The following CSNK1G3 variants were observed in gnomAD, a reference collection of about 807,000 sequenced individuals.
The protein encoded by CSNK1G3 is casein kinase 1 gamma 3.
Under a neutral mutation model 64.3 loss-of-function variants are expected in CSNK1G3, and 23 were observed. The observed-to-expected ratio is 0.36, with a 90% confidence interval of 0.26 to 0.51. The LOEUF (loss-of-function observed/expected upper bound fraction) is 0.51, where lower values mean the gene tolerates loss of function less well. CSNK1G3 is among the 20% of genes least tolerant of loss of function. The probability of loss-of-function intolerance (pLI) is 0.96; values close to 1 mark genes in which losing one functional copy is unlikely to be tolerated. For missense variants in CSNK1G3, 357 were observed against 510.5 expected, an observed-to-expected ratio of 0.70 and a Z score of 2.90; for synonymous variants, 158 against 162.2, an observed-to-expected ratio of 0.97 and a Z score of 0.20.
intron 10 of CSNK1G3, among the ~76,000 whole-genome samples, chr5:123,595,700 G>T (rs1300586373): frequency 6.6e-6 from 1 of 151,890 alleles, no homozygotes; most frequent in East Asian, 1.9e-4. Flanking sequence ...TCAATAAATT[G>T]TATGGCTTTT....
At chr5:123,581,880 A>G (rs1456866476) in intron 6 of CSNK1G3, among the ~76,000 whole-genome samples, 3 of 151,582 alleles carry the variant, frequency 2.0e-5, no homozygotes, top group African/African-American at 7.3e-5. Context: ...TCTTTTTTTT[A>G]CTTATAAGAA....
chr5:123,543,281 T>C (rs1402338623), intron 1 of CSNK1G3, among the ~76,000 whole-genome samples: 1 of 152,132 alleles, frequency 6.6e-6, no homozygotes, highest in East Asian at 1.9e-4. Context: ...ATGTCGGGTA[T>C]GGTCCTTACT....
intron 4 of CSNK1G3, among the ~76,000 whole-genome samples, chr5:123,561,700 A>G (rs1300202688): frequency 6.6e-6 from 1 of 152,182 alleles, no homozygotes; most frequent in African/African-American, 2.4e-5. Flanking sequence ...GTATATGAAT[A>G]TCCCTACTGA....
intron 1 of CSNK1G3, among the ~76,000 whole-genome samples, chr5:123,540,612 C>G (rs912359206): frequency 6.6e-6 from 1 of 151,826 alleles, no homozygotes; most frequent in Non-Finnish European, 1.5e-5. Context: ...AGATGCTATA[C>G]AGCTGTCGAT....
At chr5:123,563,361 T>A (rs138892812) in intron 4 of CSNK1G3, among the ~76,000 whole-genome samples, 1 of 152,054 alleles carries the variant, frequency 6.6e-6, no homozygotes, top group Admixed American at 6.6e-5. Flanking sequence ...ACTGAAATTA[T>A]AACTCTTTAT....
intron 3 of CSNK1G3, among the ~76,000 whole-genome samples, chr5:123,555,593 C>T (rs1218538733): frequency 6.6e-6 from 1 of 152,140 alleles, no homozygotes; most frequent in African/African-American, 2.4e-5. Flanking sequence ...TAATATTACC[C>T]TAGTTCAGAT....
At chr5:123,579,529 T>A (rs1263726049) in intron 6 of CSNK1G3, among the ~76,000 whole-genome samples, 1 of 151,918 alleles carries the variant, frequency 6.6e-6, no homozygotes, top group South Asian at 2.1e-4. Flanking sequence ...CGGGAGTTGT[T>A]AACAGACTAT....
intron 12 of CSNK1G3, among the ~76,000 whole-genome samples, chr5:123,608,102 T>C (rs1440385859): frequency 1.3e-5 from 2 of 152,152 alleles, no homozygotes; most frequent in Non-Finnish European, 2.9e-5. Flanking sequence ...GCTCCTTTTC[T>C]AAATTGCATC....
chr5:123,567,477 G>C (rs138370044), intron 4 of CSNK1G3, among the ~76,000 whole-genome samples: 1 of 152,060 alleles, frequency 6.6e-6, no homozygotes, highest in Non-Finnish European at 1.5e-5. Flanking sequence ...GTGGTGGCAG[G>C]TGCCTATAAT....
chr5:123,544,038 G>A (rs1260945798), intron 1 of CSNK1G3, among the ~76,000 whole-genome samples: 2 of 152,062 alleles, frequency 1.3e-5, no homozygotes, highest in African/African-American at 2.4e-5. Context: ...TAGCCCTCCT[G>A]TGCAAAAATC....
intron 1 of CSNK1G3, among the ~76,000 whole-genome samples, chr5:123,513,831 T>A (rs1014957807): frequency 1.3e-5 from 2 of 152,180 alleles, no homozygotes; most frequent in Admixed American, 6.5e-5. Context: ...GTGAAACTAG[T>A]TTAAGAAAAT....
intron 6 of CSNK1G3, among the ~76,000 whole-genome samples, chr5:123,587,306 A>G (rs1049400638): frequency 1.3e-5 from 2 of 152,192 alleles, no homozygotes; most frequent in African/African-American, 4.8e-5. Context: ...GTATTTTCTC[A>G]TTGGTAGTTA....
intron 10 of CSNK1G3, 36 bp from the exon 11 acceptor site, chr5:123,595,003 C>A: frequency 6.3e-7 from 1 of 1,575,994 alleles, no homozygotes; most frequent in Non-Finnish European, 8.7e-7. Flanking sequence ...GGTTTTTCTT[C>A]TTCCATGCAT....
chr5:123,532,774 AC>A, intron 1 of CSNK1G3, among the ~76,000 whole-genome samples: 1 of 151,868 alleles, frequency 6.6e-6, no homozygotes, highest in Non-Finnish European at 1.5e-5. Context: ...GATGCAAGTT[AC>A]TCGTTTGTTG....
chr5:123,529,228 A>G (rs1424365649), intron 1 of CSNK1G3, among the ~76,000 whole-genome samples: 1 of 152,214 alleles, frequency 6.6e-6, no homozygotes, highest in Non-Finnish European at 1.5e-5. Flanking sequence ...TGAAAGAGAA[A>G]CATACAAAAA....
intron 12 of CSNK1G3, 125 bp from the exon 14 acceptor site, chr5:123,614,217 G>C: frequency 2.6e-6 from 2 of 759,790 alleles, no homozygotes; most frequent in Non-Finnish European, 4.2e-6. Flanking sequence ...TGCTTCATTG[G>C]TGTAATCACT....
intron 6 of CSNK1G3, among the ~76,000 whole-genome samples, chr5:123,577,210 A>G (rs944377640): frequency 1.3e-5 from 2 of 151,994 alleles, no homozygotes; most frequent in Non-Finnish European, 2.9e-5. Flanking sequence ...CTGCAGCCCC[A>G]TAATCAGTCC....
At chr5:123,604,895 T>C in intron 11 of CSNK1G3, 65 bp downstream of exon 12, 3 of 1,227,614 alleles carry the variant, frequency 2.4e-6, no homozygotes, top group Non-Finnish European at 3.5e-6. Flanking sequence ...TTGAGATTTA[T>C]AGTTACATAC....
At chr5:123,600,662 G>A (rs2151100372) in intron 10 of CSNK1G3, among the ~76,000 whole-genome samples, 1 of 151,622 alleles carries the variant, frequency 6.6e-6, no homozygotes, top group Non-Finnish European at 1.5e-5. Context: ...TAGGAAGACA[G>A]TAGTATAACT....
Sources: allele counts gnomAD v4.1 joint callset (sites outside exome capture counted in the v4.1 genomes callset), GRCh38; gene constraint gnomAD v4.1.1; transcripts MANE v1.5; gene names NCBI Gene and HGNC (gene_info 2026-07-23, HGNC 2026-07-21).